DNAH12: variants seen among roughly 807,000 people sequenced by gnomAD.
DNAH12 encodes the protein axonemal beta dynein heavy chain 12.
In DNAH12, 285 loss-of-function variants were observed where a neutral mutation model predicts 371.5. The ratio of observed to expected loss-of-function variants is 0.77; its 90% CI spans 0.70 to 0.85. The LOEUF (loss-of-function observed/expected upper bound fraction) is 0.85. Ranked by LOEUF, DNAH12 falls within the 40% of genes least tolerant of loss-of-function variation. DNAH12 has a pLI of 0.00. For synonymous variants in DNAH12, 1,200 were observed against 1,213.0 expected, an observed-to-expected ratio of 0.99 and a Z score of 0.22; for missense variants, 3,611 against 3,689.4, an observed-to-expected ratio of 0.98 and a Z score of 0.55.
chr3:57,448,462 C>G (rs1256549512), intron 25 of DNAH12, among the ~76,000 whole-genome samples: 2 of 152,106 alleles, frequency 1.3e-5, no homozygotes, highest in Non-Finnish European at 2.9e-5. Flanking sequence ...TCGTTCCTCC[C>G]AGGGGGGCTC....
intron 49 of DNAH12, among the ~76,000 whole-genome samples, chr3:57,384,509 T>C (rs966904317): frequency 2.0e-5 from 3 of 151,856 alleles, no homozygotes; most frequent in African/African-American, 7.3e-5. Context: ...CCAGGCCTAG[T>C]GGTGTGTGTC....
rs1288612064 is a variant in DNAH12, at chr3:57,411,553, AAAG to A, written c.6020+2190_6020+2192del. Reference sequence around the variant, plus strand: ...AAAAAAAAAAAAAAAAAAAAAAAAAAAAGAAAGAAAGAAAAGTACAACACCATT... The same window carrying A: ...AAAAAAAAAAAAAAAAAAAAAAAAAAAAAGAAAGAAAAGTACAACACCATT... On this transcript the variant is annotated intron_variant, in intron 39 of 73. Transcript: ENST00000495027. Among the ~76,000 whole-genome samples the A allele has an allele frequency of 1.4e-3, 66 of 48,850 alleles. 1 individual carries two copies. Among genetic ancestry groups the A allele is most frequent in the African/African-American group, 6.4e-3 (54 of 8,432 alleles). 32.0% of individuals were successfully genotyped at this position (48,850 alleles called of 152,430 possible).
At chr3:57,515,633 TA>T (rs1249963771) in intron 4 of DNAH12, among the ~76,000 whole-genome samples, 3 of 151,828 alleles carry the variant, frequency 2.0e-5, no homozygotes, top group Non-Finnish European at 4.4e-5. Flanking sequence ...TTATTAATAA[TA>T]ATAATACATT....
intron 65 of DNAH12, 29 bp from the exon 66 acceptor site, chr3:57,314,660 A>G (rs1187531668): frequency 1.3e-6 from 2 of 1,513,688 alleles, no homozygotes; most frequent in Middle Eastern, 1.7e-4. Flanking sequence ...ATAACAAGAA[A>G]AAAAATTCCG....
intron 13 of DNAH12, among the ~76,000 whole-genome samples, chr3:57,476,651 T>C (rs1372290541): frequency 6.6e-6 from 1 of 152,216 alleles, no homozygotes; most frequent in Non-Finnish European, 1.5e-5. Context: ...TTGGCAAGGT[T>C]CTATTTATTT....
Position 57,471,605 on chromosome 3 carries a change from A to G in DNAH12, c.1778T>C (p.Leu593Pro). ...TTTTTTATGTTTAGCATTCTCAATT[A>G]GCTTTTTAAAAGACAATTTGATCAT... ...INPIFDENDE[L>P]IENAKHKKEN... is the part of the protein sequence containing the mutation. The change falls in exon 15 of 74, where the codon CTA becomes CCA. Residue 593 changes from leucine (L) to proline (P), a missense_variant and splice_region_variant. This residue lies in a region of DNAH12 where 1,314 missense variants were observed against 1,398.7 expected (regional missense o/e 0.94). Transcript: ENST00000495027. 1 of 1,530,148 alleles carries G rather than the reference A, an allele frequency of 6.5e-7. No individual in the cohort carries two copies. Among genetic ancestry groups the G allele is most frequent in the African/African-American group, 1.4e-5 (1 of 71,716 alleles). 94.8% of individuals were successfully genotyped at this position (1,530,148 alleles called of 1,614,324 possible). A position where few individuals can be genotyped will look rare whatever the true frequency, so the allele number is the denominator to read the frequency against.
chr3:57,499,647 A>AAAAATATATATAT (rs1451248906), intron 11 of DNAH12, among the ~76,000 whole-genome samples: 5 of 17,954 alleles, frequency 2.8e-4, no homozygotes, highest in Admixed American at 5.5e-4. Context: ...AAAAAAAAAA[A>AAAAATATATATAT]ATATATATAT....
At chr3:57,366,349 C>A (rs915317577) in intron 57 of DNAH12, among the ~76,000 whole-genome samples, 1 of 152,070 alleles carries the variant, frequency 6.6e-6, no homozygotes, top group African/African-American at 2.4e-5. Context: ...GACTAGCAGC[C>A]CTTGGGGCTG....
chr3:57,451,710 C>T (rs1203927658), intron 25 of DNAH12, among the ~76,000 whole-genome samples: 1 of 152,076 alleles, frequency 6.6e-6, no homozygotes, highest in Non-Finnish European at 1.5e-5. Context: ...AGCCGGAGAG[C>T]GCGCCTCACC....
At chr3:57,547,678 A>G (rs373827484), upstream of DNAH12, among the ~76,000 whole-genome samples, 254 of 152,342 alleles carry the variant, frequency 1.7e-3, no homozygotes, top group African/African-American at 5.7e-3. Flanking sequence ...AACTACAGAT[A>G]ATGCAGAGAA....
upstream of DNAH12, among the ~76,000 whole-genome samples, chr3:57,545,559 AC>A (rs1453779379): frequency 6.6e-6 from 1 of 150,616 alleles, no homozygotes; most frequent in African/African-American, 2.4e-5. Context: ...TCGCTCTGTC[AC>A]CCAGGCTGGA....
At chr3:57,294,105 C>G in intron 73 of DNAH12, 134 bp from the exon 74 acceptor site, 1 of 678,892 alleles carries the variant, frequency 1.5e-6, no homozygotes, top group Middle Eastern at 4.5e-4. Context: ...GAAGGTTTTA[C>G]AGCATATATA....
intron 62 of DNAH12, among the ~76,000 whole-genome samples, chr3:57,325,380 A>G (rs1236565742): frequency 6.6e-6 from 1 of 152,218 alleles, no homozygotes; most frequent in Non-Finnish European, 1.5e-5. Flanking sequence ...CAAAACTTGC[A>G]GAGGAACGAT....
At chr3:57,522,179 A>T (rs915851008) in intron 4 of DNAH12, among the ~76,000 whole-genome samples, 35 of 152,066 alleles carry the variant, frequency 2.3e-4, no homozygotes. Flanking sequence ...AGCCAGGATC[A>T]CGCCACTGCA....
chr3:57,301,998 CAGA>C (rs200860193), intron 69 of DNAH12, 59 bp from the exon 70 acceptor site: 42,145 of 1,496,000 alleles, frequency 0.028, 681 homozygotes, highest in South Asian at 0.035. Context: ...ACGGTCTTTC[CAGA>C]AGAAGAACAG....
chr3:57,415,483 G>C lies in DNAH12; in HGVS notation c.5796C>G (p.Asp1932Glu). ...KDKLMNHLEK[D>E]QYFPFYINLS... is the part of the protein sequence containing the mutation. ...AGTTAATATAAAAAGGAAAGTACTG[G>C]TCCTTTTCCAAGTGATTCATTAGCT... is the stretch of plus-strand genomic sequence containing the variant. The change falls in exon 38 of 74, where the codon GAC (aspartate) becomes GAG (glutamate). Residue 1932 changes from aspartate to glutamate, a missense_variant. Asp to Glu is a conservative substitution (Grantham distance 45). Transcript: ENST00000495027. The C allele has an allele frequency of 6.4e-7, 1 of 1,551,240 alleles. No individual in the cohort carries two copies. The highest frequency in any genetic ancestry group is 8.7e-7 in the Non-Finnish European group (1 of 1,146,914).
chr3:57,480,841 C>A lies in DNAH12; in HGVS notation c.1650+2535G>T, dbSNP rs534648266. 5.1e-4 allele frequency among the ~76,000 whole-genome samples: 78 copies of A among 152,198 alleles called. 1 individual carries two copies. The highest frequency in any genetic ancestry group is 2.9e-3 in the South Asian group (14 of 4,814). On this transcript the variant is annotated intron_variant, in intron 13 of 73. Transcript: ENST00000495027. ...AACCATATGATTATCTCAATAGATG[C>A]GGAAAAGGCCTTTGACAAAATTCAA...
At chr3:57,340,034 G>A (rs2062354798) in intron 60 of DNAH12, among the ~76,000 whole-genome samples, 1 of 151,332 alleles carries the variant, frequency 6.6e-6, no homozygotes, top group Non-Finnish European at 1.5e-5. Flanking sequence ...TCATACCACT[G>A]CACTCCAGCA....
intron 59 of DNAH12, among the ~76,000 whole-genome samples, chr3:57,352,553 T>C (rs9847056): frequency 0.096 from 14,621 of 152,082 alleles, 2,302 homozygotes; most frequent in African/African-American, 0.33. Context: ...AAATGTAGGG[T>C]ATAATTCTCT....
Sources: allele counts gnomAD v4.1 joint callset (sites outside exome capture counted in the v4.1 genomes callset), GRCh38; gene constraint gnomAD v4.1.1; regional missense constraint gnomAD v4.1.1; transcripts MANE v1.5; gene names NCBI Gene and HGNC (gene_info 2026-07-23, HGNC 2026-07-21).